SSX1: variants seen among roughly 807,000 people sequenced by gnomAD.
The protein encoded by SSX1 is SSX family member 1, also known as protein SSX1.
SSX1 carries 58 observed loss-of-function variants against 14.6 expected under a neutral mutation model. The ratio of observed to expected loss-of-function variants is 3.96; its 90% confidence interval spans 3.21 to 4.93. The LOEUF (loss-of-function observed/expected upper bound fraction) is 4.93. Ranked by LOEUF, SSX1 falls within the 30% of genes most tolerant of loss-of-function variation. The pLI, the probability that SSX1 is intolerant of heterozygous loss-of-function variation, is 0.00. For missense variants in SSX1, 272 were observed against 143.1 expected, an observed-to-expected ratio of 1.90 and a Z score of -4.60; for synonymous variants, 46 against 52.1, an observed-to-expected ratio of 0.88 and a Z score of 0.50.
chrX:48,262,129 G>A (rs1162019637), intron 5 of SSX1, among the ~76,000 whole-genome samples: 1 of 112,233 alleles, frequency 8.9e-6, no homozygotes, highest in Non-Finnish European at 1.9e-5. Context: ...CACTTCGGTT[G>A]TCATCCATAT....
chrX:48,256,834 T>G (rs2059583739), intron 1 of SSX1, among the ~76,000 whole-genome samples: 3 of 109,849 alleles, frequency 2.7e-5, no homozygotes, highest in African/African-American at 1.0e-4. Context: ...CTCACTTCCC[T>G]CCCTTTATTT....
At chrX:48,260,759 G>A (rs1229697103) in intron 4 of SSX1, among the ~76,000 whole-genome samples, 2 of 101,145 alleles carry the variant, frequency 2.0e-5, no homozygotes, top group Admixed American at 1.1e-4. Flanking sequence ...ATGAATCAAA[G>A]GACAGTTAAG....
chrX:48,255,894 C>CT (rs782152875), intron 1 of SSX1, among the ~76,000 whole-genome samples: 272 of 77,469 alleles, frequency 3.5e-3, no homozygotes, highest in African/African-American at 6.7e-3. Context: ...CCTGCCCATG[C>CT]TTTTTTTTTT....
At chrX:48,263,421 T>C (rs1430512659) in intron 5 of SSX1, among the ~76,000 whole-genome samples, 1 of 107,494 alleles carries the variant, frequency 9.3e-6, no homozygotes, top group Non-Finnish European at 1.9e-5. Context: ...CGAGCTTATA[T>C]GGGATCCCTT....
chrX:48,258,580 A>G lies in SSX1; in HGVS notation c.229A>G (p.Thr77Ala), dbSNP rs2059592615. The G allele has an allele frequency of 8.3e-7, 1 of 1,209,599 alleles. No homozygotes were observed. The highest frequency in any genetic ancestry group is 3.0e-5 in the East Asian group (1 of 33,779). Residue 77 changes from threonine (T) to alanine (A), a missense_variant, in exon 4 of 8, where the codon ACA becomes GCA. Coordinates refer to ENST00000376919, the MANE Select transcript of SSX1 (RefSeq NM_005635.4). ...ACCTTTCATGTGTAATAAACAGGCC[A>G]CAGACTTCCAGGGGAATGATTTTGA... ...LPPFMCNKQA[T>A]DFQGNDFDND...
chrX:48,263,826 A>C lies in SSX1; in HGVS notation c.375A>C (p.Gly125=), dbSNP rs2059613546. 2 of 1,211,754 alleles carry C rather than the reference A, an allele frequency of 1.7e-6. No individual in the cohort carries two copies. The highest frequency in any genetic ancestry group is 3.5e-5 in the African/African-American group (2 of 57,864). The change falls in exon 6 of 8, where the codon GGA becomes GGC. Residue 125 remains glycine (G), a synonymous_variant. Transcript: ENST00000376919. ...KPAEDENDSK[G]VSEASGPQND... is the part of the protein sequence containing the mutation. ...CAGAGGACGAAAATGATTCGAAGGGAGTGTCAGAAGCATCTGGCCCACAAA... is the reference window on the plus strand; with the variant it reads ...CAGAGGACGAAAATGATTCGAAGGGCGTGTCAGAAGCATCTGGCCCACAAA...
At chrX:48,263,721 G>C in intron 5 of SSX1, 61 bp from the exon 6 acceptor site, 3 of 1,187,790 alleles carry the variant, frequency 2.5e-6, no homozygotes, top group Non-Finnish European at 3.4e-6. Context: ...CGCTTTGTAA[G>C]CTCTAAAGCA....
rs1175037704 is a variant in SSX1 at position 48,259,206 on chromosome X, A to G, written c.280+575A>G. Among the ~76,000 whole-genome samples, 37 of 111,299 alleles carry G rather than the reference A, an allele frequency of 3.3e-4. 1 individual carries two copies. The highest frequency in any genetic ancestry group is 1.2e-3 in the African/African-American group (36 of 30,678). On this transcript the variant is annotated intron_variant, in intron 4 of 7. Transcript: ENST00000376919. ...GAGATGGGGTTTCACCATGTTGACCAGGCTGGTCTCAAACTCCTGACCTCA... is the reference window on the plus strand; with the variant it reads ...GAGATGGGGTTTCACCATGTTGACCGGGCTGGTCTCAAACTCCTGACCTCA...
intron 1 of SSX1, among the ~76,000 whole-genome samples, chrX:48,256,940 C>T (rs1170237318): frequency 2.7e-5 from 3 of 110,165 alleles, no homozygotes; most frequent in Non-Finnish European, 5.7e-5. Flanking sequence ...CAGGGTAAGC[C>T]TAGCCCCAGG....
In SSX1 at chrX:48,263,935, G is replaced by A. The variant is rs1456613724; in HGVS notation, c.466+18G>A. On this transcript the variant is annotated intron_variant, in intron 6 of 7. Coordinates refer to ENST00000376919, the MANE Select transcript of SSX1 (RefSeq NM_005635.4). ...GAGATCTGGTAAGAGGAAATGATTTGGGAACAACTTCTCTGGCTTTTCTGG... is the reference window on the plus strand; with the variant it reads ...GAGATCTGGTAAGAGGAAATGATTTAGGAACAACTTCTCTGGCTTTTCTGG... The A allele has an allele frequency of 1.7e-6, 2 of 1,205,957 alleles. No homozygotes were observed. Among genetic ancestry groups the A allele is most frequent in the African/African-American group, 3.5e-5 (2 of 57,045 alleles).
chrX:48,257,986 G>A, intron 3 of SSX1, 126 bp downstream of exon 3: 1 of 487,678 alleles, frequency 2.1e-6, no homozygotes, highest in East Asian at 3.9e-5. Context: ...AAATCGCAAG[G>A]CAGCTTCTGG....
chrX:48,264,000 C>A, intron 6 of SSX1, 83 bp downstream of exon 6: 1 of 1,154,060 alleles, frequency 8.7e-7, no homozygotes, highest in Non-Finnish European at 1.2e-6. Flanking sequence ...GGCATGGATC[C>A]CAGACAAGCC....
At position 48,267,353 on chromosome X, in the gene SSX1, C is replaced by T. The variant is rs1487094589; in HGVS notation, c.*504C>T. 2.1e-5 allele frequency: 4 copies of T among 188,856 alleles called. No individual in the cohort carries two copies. The highest frequency in any genetic ancestry group is 1.4e-4 in the Admixed American group (2 of 14,197). 15.6% of individuals were successfully genotyped at this position (188,856 alleles called of 1,213,427 possible). A position where few individuals can be genotyped will look rare whatever the true frequency, so the allele number is the denominator to read the frequency against. On this transcript the variant is annotated 3_prime_UTR_variant, in exon 8 of 8. Coordinates refer to ENST00000376919, the MANE Select transcript of SSX1 (RefSeq NM_005635.4). ...CCATTGCCATGCGTCCTGGTCAAGC[C>T]CCCCTCACTCTGTTTCCTGTTCAGC...
chrX:48,264,382 T>G (rs1402641558), intron 6 of SSX1, among the ~76,000 whole-genome samples: 1 of 112,385 alleles, frequency 8.9e-6, no homozygotes, highest in Non-Finnish European at 1.9e-5. Flanking sequence ...CACACATTGT[T>G]TTTCGTTTGT....
chrX:48,262,568 G>T (rs1292799200), intron 5 of SSX1, among the ~76,000 whole-genome samples: 1 of 110,880 alleles, frequency 9.0e-6, no homozygotes, highest in Non-Finnish European at 1.9e-5. Context: ...TCTGCACCTG[G>T]GGCATCCGAG....
At chrX:48,266,725 G>T in intron 7 of SSX1, 129 bp from the exon 8 acceptor site, 1 of 517,955 alleles carries the variant, frequency 1.9e-6, no homozygotes, top group Non-Finnish European at 3.2e-6. Context: ...ACCATGGAAG[G>T]CGTGTCCAGG....
intron 6 of SSX1, among the ~76,000 whole-genome samples, chrX:48,264,744 C>A (rs1339022151): frequency 8.9e-6 from 1 of 112,709 alleles, no homozygotes; most frequent in Admixed American, 9.4e-5. Flanking sequence ...CACTTTAGAA[C>A]TTCTTTCAAA....
chrX:48,261,613 G>T (rs2059604020), intron 4 of SSX1, among the ~76,000 whole-genome samples, 153 bp from the exon 5 acceptor site: 1 of 112,340 alleles, frequency 8.9e-6, no homozygotes, highest in African/African-American at 3.2e-5. Context: ...AACCAACCAT[G>T]ACTAAACATA....
chrX:48,264,857 G>A (rs1400500477), intron 6 of SSX1, among the ~76,000 whole-genome samples: 3 of 112,697 alleles, frequency 2.7e-5, no homozygotes, highest in Non-Finnish European at 3.7e-5. Flanking sequence ...GTGTAGCCAC[G>A]TTCATCAGTG....
Sources: allele counts gnomAD v4.1 joint callset (sites outside exome capture counted in the v4.1 genomes callset), GRCh38; gene constraint gnomAD v4.1.1; transcripts MANE v1.5; gene names NCBI Gene and HGNC (gene_info 2026-07-23, HGNC 2026-07-21).